The following CR1 variants were observed in gnomAD, a reference collection of about 807,000 sequenced individuals.
CR1 encodes complement receptor type 1.
A neutral mutation model predicts 187.3 loss-of-function variants in CR1; 116 were observed. The ratio of observed to expected loss-of-function variants is 0.62; its 90% CI spans 0.53 to 0.72. CR1 has a LOEUF of 0.72. CR1 is among the 30% of genes least tolerant of loss of function. The pLI, the probability that CR1 is intolerant of heterozygous loss-of-function variation, is 0.00. For synonymous variants in CR1, 576 were observed against 747.1 expected, an observed-to-expected ratio of 0.77 and a Z score of 3.73; for missense variants, 1,731 against 2,110.7, an observed-to-expected ratio of 0.82 and a Z score of 3.52.
In CR1 at chr1:207,614,409, G is replaced by T. The variant is rs55704352; in HGVS notation, c.6581G>T (p.Arg2194Leu). 1.1e-5 allele frequency: 18 copies of T among 1,609,110 alleles called. No homozygotes were observed. The highest frequency in any genetic ancestry group is 8.8e-5 in the South Asian group (8 of 91,034). Residue 2194 changes from arginine to leucine, a missense_variant, in exon 40 of 47, where the codon CGA becomes CTA. By Grantham distance (102) the Arg-to-Leu change is moderately radical. Around this residue, in one of 5 missense-constraint regions of CR1, gnomAD observed 1,312 missense variants for 1,379.6 expected, o/e 0.95. Coordinates refer to ENST00000367049, the MANE Select transcript of CR1 (RefSeq NM_000651.6). Reference protein sequence around the residue: ...KVSFVCDEGFRLKGRSASHCV... With the variant: ...KVSFVCDEGFLLKGRSASHCV... ...ACCACTTTTTTTTTCTTTAGGTTCC[G>T]ATTAAAAGGCAGGTCTGCTAGTCAT...
chr1:207,574,577 TAC>T (rs1205044146), intron 27 of CR1, among the ~76,000 whole-genome samples: 2 of 151,992 alleles, frequency 1.3e-5, no homozygotes, highest in African/African-American at 2.4e-5. Flanking sequence ...AATAAAAAAA[TAC>T]ACACAAAAAC....
chr1:207,620,104 A>G, intron 43 of CR1, 39 bp downstream of exon 43: 1 of 1,577,828 alleles, frequency 6.3e-7, no homozygotes, highest in Non-Finnish European at 8.6e-7. Flanking sequence ...CTTCCCGGTC[A>G]TGGTTATTGC....
At chr1:207,583,911 C>T (rs1402971574) in intron 32 of CR1, among the ~76,000 whole-genome samples, 1 of 152,136 alleles carries the variant, frequency 6.6e-6, no homozygotes, top group Non-Finnish European at 1.5e-5. Context: ...CTGTAATATC[C>T]TCTTCCCAAA....
chr1:207,584,199 T>A (rs1026859674), intron 32 of CR1, among the ~76,000 whole-genome samples: 1 of 152,102 alleles, frequency 6.6e-6, no homozygotes, highest in Non-Finnish European at 1.5e-5. Context: ...AAATAATAAA[T>A]GTATAATATA....
chr1:207,616,779 G>T lies in CR1; in HGVS notation c.6866G>T (p.Arg2289Leu). ...GGGGTTTGGAGCAGCCCTGCCCCTCGCTGTGAACTTTCTGTTCCTGCTGGT... is the reference window on the plus strand; with the variant it reads ...GGGGTTTGGAGCAGCCCTGCCCCTCTCTGTGAACTTTCTGTTCCTGCTGGT... The part of the protein sequence containing the change: ...GNGVWSSPAP[R>L]CELSVPAACP... Residue 2289 changes from arginine to leucine, a missense_variant, in exon 41 of 47, where the codon CGC becomes CTC. By Grantham distance (102) the Arg-to-Leu change is moderately radical (BLOSUM62 -2). Transcript: ENST00000367049. 1.2e-6 allele frequency: 2 copies of T among 1,613,838 alleles called. No homozygotes were observed. The highest frequency in any genetic ancestry group is 1.7e-6 in the Non-Finnish European group (2 of 1,179,838).
At chr1:207,587,262 CT>C in intron 33 of CR1, 123 bp from the exon 34 acceptor site, 1 of 800,622 alleles carries the variant, frequency 1.2e-6, no homozygotes, top group South Asian at 2.2e-5. Context: ...AGAAGAAAAT[CT>C]TTTGCTATTC....
intron 35 of CR1, among the ~76,000 whole-genome samples, chr1:207,600,355 A>G (rs1222448183): frequency 6.6e-6 from 1 of 152,190 alleles, no homozygotes; most frequent in Non-Finnish European, 1.5e-5. Flanking sequence ...TCACATGTTG[A>G]GGAATAAGGC....
chr1:207,544,625 A>C (rs1660259360), intron 13 of CR1, among the ~76,000 whole-genome samples: 1 of 122,002 alleles, frequency 8.2e-6, no homozygotes. Flanking sequence ...TGCCGTTACA[A>C]TATGTTGTGT....
intron 44 of CR1, 126 bp from the exon 45 acceptor site, chr1:207,622,867 T>C (rs1662353344): frequency 1.5e-6 from 1 of 655,400 alleles, no homozygotes; most frequent in South Asian, 2.0e-5. Flanking sequence ...TAAAGCAGAA[T>C]GTATAGTTAC....
intron 37 of CR1, among the ~76,000 whole-genome samples, chr1:207,610,478 G>A (rs762899963): frequency 6.6e-6 from 1 of 152,028 alleles, no homozygotes; most frequent in Non-Finnish European, 1.5e-5. Flanking sequence ...AACTCCAGGT[G>A]CTCACTACCA....
At chr1:207,632,555 G>A (rs951693331) in intron 46 of CR1, among the ~76,000 whole-genome samples, 8 of 152,136 alleles carry the variant, frequency 5.3e-5, no homozygotes, top group African/African-American at 1.9e-4. Flanking sequence ...TTGGGCGGCC[G>A]AGGCGAGTGG....
At chr1:207,556,679 A>ATATATATC (rs1377416094) in intron 19 of CR1, among the ~76,000 whole-genome samples, 4 of 63,196 alleles carry the variant, frequency 6.3e-5, no homozygotes, top group Non-Finnish European at 1.0e-4. Context: ...ATATATATAT[A>ATATATATC]TCACAATGAA....
intron 45 of CR1, among the ~76,000 whole-genome samples, chr1:207,627,712 G>A (rs1476597081): frequency 6.6e-6 from 1 of 152,118 alleles, no homozygotes; most frequent in Non-Finnish European, 1.5e-5. Context: ...TGAGTTTAAG[G>A]CCAGCCTGGG....
chr1:207,515,742 T>C (rs182683868), intron 4 of CR1, among the ~76,000 whole-genome samples: 2 of 152,342 alleles, frequency 1.3e-5, no homozygotes, highest in African/African-American at 4.8e-5. Context: ...TCTATTGTTT[T>C]GTAGAAGTTC....
intron 4 of CR1, among the ~76,000 whole-genome samples, chr1:207,518,203 A>G (rs1659863061): frequency 6.6e-6 from 1 of 152,160 alleles, no homozygotes; most frequent in Admixed American, 6.5e-5. Flanking sequence ...CCTCTGACCC[A>G]TAGGCTGTTT....
At position 207,566,826 on chromosome 1, in the gene CR1, G is replaced by A. The variant is rs186331916; in HGVS notation, c.3952+903G>A. ...TTCTTGATTCTAATGATTGGAAAACGTGTTTCTTTAGAAAATCATGAAATT... is the reference window on the plus strand; with the variant it reads ...TTCTTGATTCTAATGATTGGAAAACATGTTTCTTTAGAAAATCATGAAATT... On this transcript the variant is annotated intron_variant, in intron 24 of 46. Coordinates refer to ENST00000367049, the MANE Select transcript of CR1 (RefSeq NM_000651.6). 5.4e-4 allele frequency among the ~76,000 whole-genome samples: 81 copies of A among 150,300 alleles called. 13 individuals are homozygous for A. Among genetic ancestry groups the A allele is most frequent in the African/African-American group, 1.9e-3 (76 of 39,752 alleles).
intron 4 of CR1, among the ~76,000 whole-genome samples, chr1:207,520,950 ATTTTTTTTTTTTTGGTTGTTTTT>A (rs1659967970): frequency 4.6e-5 from 3 of 64,938 alleles, no homozygotes; most frequent in Non-Finnish European, 1.1e-4. Context: ...GGGTTTGCAC[ATTTTTTTTTTTTTGGTTGTTTTT>A]TTTTTTTTTT....
At chr1:207,510,163 C>T (rs761801406) in intron 3 of CR1, among the ~76,000 whole-genome samples, 1 of 152,018 alleles carries the variant, frequency 6.6e-6, no homozygotes, top group African/African-American at 2.4e-5. Flanking sequence ...GCCAAGATCG[C>T]ACCATTGCAC....
At chr1:207,613,589 C>T (rs1406795184) in intron 39 of CR1, among the ~76,000 whole-genome samples, 1 of 151,888 alleles carries the variant, frequency 6.6e-6, no homozygotes, top group Non-Finnish European at 1.5e-5. Context: ...ATTTGTCTGC[C>T]TCCTGCTTCT....
Sources: allele counts gnomAD v4.1 joint callset (sites outside exome capture counted in the v4.1 genomes callset), GRCh38; gene constraint gnomAD v4.1.1; regional missense constraint gnomAD v4.1.1; transcripts MANE v1.5; gene names NCBI Gene and HGNC (gene_info 2026-07-23, HGNC 2026-07-21).